CHRM2: variants seen among roughly 807,000 people sequenced by gnomAD.
CHRM2 encodes cholinergic receptor muscarinic 2, also known as muscarinic acetylcholine receptor M2.
Under a neutral mutation model 25.0 loss-of-function variants are expected in CHRM2, and 8 were observed. The ratio of observed to expected loss-of-function variants is 0.32; its 90% CI spans 0.19 to 0.58. CHRM2 has a LOEUF of 0.58. CHRM2 is among the 20% of genes least tolerant of loss of function. CHRM2 has a pLI of 0.88. For missense variants in CHRM2, 440 were observed against 567.1 expected (o/e 0.78, Z 2.28); for synonymous variants, 202 against 205.7 (o/e 0.98, Z 0.15).
intron 2 of CHRM2, among the ~76,000 whole-genome samples, chr7:136,978,001 C>A (rs1011053382): frequency 6.6e-6 from 1 of 151,282 alleles, no homozygotes; most frequent in African/African-American, 2.4e-5. Context: ...CATAGAGAGC[C>A]CTTTACCCAT....
intron 2 of CHRM2, chr7:136,901,854 A>G (rs991819643): frequency 6.6e-6 from 1 of 151,972 alleles, no homozygotes; most frequent in Non-Finnish European, 1.5e-5. Flanking sequence ...GCTGACCTCC[A>G]AAGACGCTGT....
At chr7:136,888,166 G>A (rs1042708505) in intron 2 of CHRM2, among the ~76,000 whole-genome samples, 2 of 152,180 alleles carry the variant, frequency 1.3e-5, no homozygotes, top group Non-Finnish European at 2.9e-5. Flanking sequence ...CAATATTTAA[G>A]CAGGAGAATT....
intron 2 of CHRM2, among the ~76,000 whole-genome samples, chr7:136,890,405 T>C (rs1054491115): frequency 1.4e-4 from 22 of 152,206 alleles, no homozygotes; most frequent in African/African-American, 5.3e-4. Context: ...ATAGAGAGGG[T>C]TCTGTGACCA....
At chr7:136,895,507 G>C (rs1796858947) in intron 2 of CHRM2, among the ~76,000 whole-genome samples, 1 of 152,102 alleles carries the variant, frequency 6.6e-6, no homozygotes, top group African/African-American at 2.4e-5. Flanking sequence ...TGGTGTTTCT[G>C]CTCTTTTGGC....
intron 2 of CHRM2, among the ~76,000 whole-genome samples, chr7:136,969,814 G>A (rs572990182): frequency 6.6e-6 from 1 of 152,230 alleles, no homozygotes; most frequent in South Asian, 2.1e-4. Context: ...ATTTCCCACT[G>A]GCTATGGGAT....
At chr7:136,935,597 T>C (rs1045434134) in intron 2 of CHRM2, among the ~76,000 whole-genome samples, 3 of 152,184 alleles carry the variant, frequency 2.0e-5, no homozygotes, top group South Asian at 2.1e-4. Context: ...TTTTGGAACA[T>C]ACTGTTTGAT....
chr7:136,901,657 G>A (rs900479082), intron 2 of CHRM2, among the ~76,000 whole-genome samples: 6 of 151,976 alleles, frequency 3.9e-5, no homozygotes, highest in Non-Finnish European at 8.8e-5. Flanking sequence ...ACATACAGAC[G>A]CTTTTTGATC....
At chr7:136,974,978 G>A (rs184815453) in intron 2 of CHRM2, among the ~76,000 whole-genome samples, 14 of 152,254 alleles carry the variant, frequency 9.2e-5, no homozygotes, top group African/African-American at 2.9e-4. Context: ...TATGTTATGG[G>A]ATAAAAAGGT....
At chr7:136,923,573 A>C (rs2130745952) in intron 2 of CHRM2, among the ~76,000 whole-genome samples, 1 of 152,278 alleles carries the variant, frequency 6.6e-6, no homozygotes, top group South Asian at 2.1e-4. Flanking sequence ...AGAGACTTAC[A>C]CTGCATTAAG....
In CHRM2 at chr7:136,930,898, C is replaced by CAAAAAAAAAAAAAAAAAAAAAA. The variant is rs57705639; in HGVS notation, c.-124-61281_-124-61260dup. Among the ~76,000 whole-genome samples, 32 of 61,148 alleles carry CAAAAAAAAAAAAAAAAAAAAAA rather than the reference C, an allele frequency of 5.2e-4. 2 individuals are homozygous for CAAAAAAAAAAAAAAAAAAAAAA. The highest frequency in any genetic ancestry group is 7.9e-4 in the Non-Finnish European group (21 of 26,680). The allele number at this position is 61,148 out of a possible 152,430, so 40.1% of individuals were successfully genotyped here. On this transcript the variant is annotated intron_variant, in intron 2 of 3. Coordinates refer to ENST00000680005, the MANE Select transcript of CHRM2 (RefSeq NM_001006630.2). ...GGCTACAGAGCCAGACTCATTCTCT[C>CAAAAAAAAAAAAAAAAAAAAAA]AAAAAAAAAAAAAAAAAAAAAAAAA...
Position 136,945,700 on chromosome 7 carries a change from C to T in CHRM2, c.-124-46487C>T, listed in dbSNP as rs148112133. Among the ~76,000 whole-genome samples the T allele has an allele frequency of 1.0e-3, 158 of 152,108 alleles. 2 individuals are homozygous for T. In the East Asian group the frequency reaches 0.018, roughly 18 times the overall value. The stretch of plus-strand genomic sequence containing the variant: ...TTTGCTAACTCTTGCTTTGGCTATG[C>T]GGGCTCTTCTTTGGTTCAGTCACAT... On this transcript the variant is annotated intron_variant, in intron 2 of 3. Coordinates refer to ENST00000680005, the MANE Select transcript of CHRM2 (RefSeq NM_001006630.2).
At position 136,921,574 on chromosome 7, in the gene CHRM2, A is replaced by G. The variant is rs79674104; in HGVS notation, c.-125+52156A>G. ...TATTGCTAGTTCCCTTCTTTCTGCAATTCTCCCTCTCACTGGTTTAGATTC... is the reference window on the plus strand; with the variant it reads ...TATTGCTAGTTCCCTTCTTTCTGCAGTTCTCCCTCTCACTGGTTTAGATTC... On this transcript the variant is annotated intron_variant, in intron 2 of 3. Coordinates refer to ENST00000680005, the MANE Select transcript of CHRM2 (RefSeq NM_001006630.2). 5.9e-3 allele frequency among the ~76,000 whole-genome samples: 896 copies of G among 151,814 alleles called. 13 individuals carry two copies. The highest frequency in any genetic ancestry group is 0.019 in the African/African-American group (805 of 41,396).
chr7:136,929,944 C>CAAATG (rs1265170621), intron 2 of CHRM2, among the ~76,000 whole-genome samples: 2 of 151,628 alleles, frequency 1.3e-5, no homozygotes, highest in African/African-American at 2.4e-5. Flanking sequence ...AAATAATAAC[C>CAAATG]AAATGAAATG....
At chr7:136,885,443 T>C (rs1796425752) in intron 2 of CHRM2, among the ~76,000 whole-genome samples, 1 of 152,262 alleles carries the variant, frequency 6.6e-6, no homozygotes, top group African/African-American at 2.4e-5. Flanking sequence ...CCATCATTCA[T>C]ATCAGTAACA....
chr7:136,982,859 C>T (rs949286418), intron 2 of CHRM2, among the ~76,000 whole-genome samples: 5 of 152,160 alleles, frequency 3.3e-5, no homozygotes, highest in Admixed American at 3.3e-4. Flanking sequence ...ACCTTTCTCT[C>T]TGCTGCCCTT....
chr7:137,014,981 T>C lies in CHRM2; in HGVS notation c.116T>C (p.Ile39Thr). The C allele has an allele frequency of 1.2e-6, 2 of 1,613,326 alleles. No individual in the cohort carries two copies. The highest frequency in any genetic ancestry group is 2.2e-5 in the South Asian group (2 of 91,076). Residue 39 changes from isoleucine (I) to threonine (T), a missense_variant, in exon 4 of 4, where the codon ATC (isoleucine) becomes ACC (threonine). Ile to Thr is a moderately conservative substitution (Grantham distance 89). Coordinates refer to ENST00000680005, the MANE Select transcript of CHRM2 (RefSeq NM_001006630.2). ...VAGSLSLVTI[I>T]GNILVMVSIK... ...GGATCCCTCAGTTTGGTGACCATTA[T>C]CGGGAACATCCTAGTCATGGTTTCC...
In CHRM2 at chr7:137,015,189, T is replaced by C; in HGVS notation, c.324T>C (p.Asn108=). ...TAGCCCTGGACTATGTGGTCAGCAA[T>C]GCCTCAGTTATGAATCTGCTCATCA... ...LWLALDYVVS[N]ASVMNLLIIS... Residue 108 remains asparagine, a synonymous_variant, in exon 4 of 4, where the codon AAT becomes AAC. Coordinates refer to ENST00000680005, the MANE Select transcript of CHRM2 (RefSeq NM_001006630.2). This position sits in a 1 kb window ranked among gnomAD's most constrained non-coding sequence, Gnocchi z 5.1. 1.2e-6 allele frequency: 2 copies of C among 1,613,526 alleles called. No individual in the cohort carries two copies. The highest frequency in any genetic ancestry group is 1.7e-6 in the Non-Finnish European group (2 of 1,179,650).
chr7:136,987,201 C>G (rs1802914451), intron 2 of CHRM2, among the ~76,000 whole-genome samples: 1 of 152,168 alleles, frequency 6.6e-6, no homozygotes, highest in Admixed American at 6.5e-5. Flanking sequence ...TCCTCTGTGA[C>G]CCTGCTCCAG....
chr7:136,888,799 C>A (rs1796572885), intron 2 of CHRM2, among the ~76,000 whole-genome samples: 4 of 152,106 alleles, frequency 2.6e-5, no homozygotes, highest in Admixed American at 1.3e-4. Flanking sequence ...GTAATCCCAG[C>A]ACTTTGGGAG....
Sources: allele counts gnomAD v4.1 joint callset (sites outside exome capture counted in the v4.1 genomes callset), GRCh38; gene constraint gnomAD v4.1.1; non-coding constraint Gnocchi (gnomAD v3.1); transcripts MANE v1.5; gene names NCBI Gene and HGNC (gene_info 2026-07-23, HGNC 2026-07-21).